Variants in VSNL1 observed in about 807,000 individuals in gnomAD.
VSNL1 encodes the protein visinin like 1.
VSNL1 carries 6 observed loss-of-function variants against 20.4 expected under a neutral mutation model. That is an observed-to-expected ratio of 0.29 (90% CI 0.16 to 0.58). The LOEUF (loss-of-function observed/expected upper bound fraction) is 0.58, where lower values mean the gene tolerates loss of function less well. VSNL1 is among the 20% of genes least tolerant of loss of function. The pLI, the probability that VSNL1 is intolerant of heterozygous loss-of-function variation, is 0.90. For synonymous variants in VSNL1, 93 were observed against 86.4 expected (o/e 1.08, Z -0.42); for missense variants, 100 against 234.5 (o/e 0.43, Z 3.75).
chr2:17,570,902 G>A (rs926679367), intron 1 of VSNL1, among the ~76,000 whole-genome samples: 3 of 152,068 alleles, frequency 2.0e-5, no homozygotes, highest in Non-Finnish European at 2.9e-5. Flanking sequence ...AGGTGCGGTG[G>A]TGGCGCCTGT....
chr2:17,648,182 T>C (rs76301243), intron 2 of VSNL1, among the ~76,000 whole-genome samples: 519 of 152,330 alleles, frequency 3.4e-3, no homozygotes, highest in African/African-American at 0.011. Context: ...CCTGGAATGC[T>C]TGGCTGTTCC....
At chr2:17,604,085 T>C (rs1664891463) in intron 2 of VSNL1, among the ~76,000 whole-genome samples, 1 of 152,032 alleles carries the variant, frequency 6.6e-6, no homozygotes, top group African/African-American at 2.4e-5. Context: ...GAGCTAAGTG[T>C]GGGTGTAGGT....
chr2:17,577,880 C>T (rs1664254979), intron 1 of VSNL1, among the ~76,000 whole-genome samples: 2 of 152,046 alleles, frequency 1.3e-5, no homozygotes, highest in Non-Finnish European at 2.9e-5. Context: ...TTTACAATGG[C>T]TAAGGGTCTG....
At chr2:17,607,224 C>T (rs543712657) in intron 2 of VSNL1, among the ~76,000 whole-genome samples, 2 of 152,114 alleles carry the variant, frequency 1.3e-5, no homozygotes, top group African/African-American at 4.8e-5. Flanking sequence ...CTGTTGCTAG[C>T]GAGTTGATCT....
intron 1 of VSNL1, among the ~76,000 whole-genome samples, chr2:17,573,847 C>G (rs1311015295): frequency 1.3e-5 from 2 of 152,208 alleles, no homozygotes. Context: ...TTAGAGAAAG[C>G]TTGTGTCTTC....
chr2:17,612,386 C>T (rs546265372), intron 2 of VSNL1, among the ~76,000 whole-genome samples: 1 of 152,336 alleles, frequency 6.6e-6, no homozygotes, highest in East Asian at 1.9e-4. Context: ...CATGTACATC[C>T]ATCAGTTCTC....
chr2:17,633,294 G>A (rs1176348109), intron 2 of VSNL1, among the ~76,000 whole-genome samples: 1 of 138,940 alleles, frequency 7.2e-6, no homozygotes, highest in Non-Finnish European at 1.5e-5. Flanking sequence ...AATTCAAGAT[G>A]AGATCTGGGT....
At chr2:17,554,345 A>G (rs1310578969) in intron 1 of VSNL1, among the ~76,000 whole-genome samples, 1 of 152,166 alleles carries the variant, frequency 6.6e-6, no homozygotes, top group African/African-American at 2.4e-5. Context: ...ATTGGTTCCT[A>G]TGGTAGATAA....
At chr2:17,565,253 T>C (rs1426396886) in intron 1 of VSNL1, among the ~76,000 whole-genome samples, 2 of 152,128 alleles carry the variant, frequency 1.3e-5, no homozygotes, top group Non-Finnish European at 2.9e-5. Flanking sequence ...ACTTTTTTAT[T>C]GGGAGAAATT....
intron 2 of VSNL1, among the ~76,000 whole-genome samples, chr2:17,622,609 G>A (rs959079831): frequency 7.2e-6 from 1 of 138,484 alleles, no homozygotes; most frequent in Non-Finnish European, 1.7e-5. Flanking sequence ...AGAAAAGAAA[G>A]AAAGATCTTC....
chr2:17,602,025 A>G (rs902926349), intron 2 of VSNL1, among the ~76,000 whole-genome samples: 1 of 152,244 alleles, frequency 6.6e-6, no homozygotes, highest in Non-Finnish European at 1.5e-5. Context: ...TGGATTTCTC[A>G]GTGAAAAGCT....
At chr2:17,576,694 G>T (rs1297515311) in intron 1 of VSNL1, among the ~76,000 whole-genome samples, 1 of 151,918 alleles carries the variant, frequency 6.6e-6, no homozygotes, top group Non-Finnish European at 1.5e-5. Context: ...TGTTTTTTTA[G>T]ATTCCCTAAA....
intron 1 of VSNL1, among the ~76,000 whole-genome samples, chr2:17,548,391 T>C (rs528390026): frequency 2.3e-4 from 35 of 152,278 alleles, no homozygotes; most frequent in South Asian, 8.3e-4. Flanking sequence ...CTTTTTGAAG[T>C]CTACAAAACT....
intron 2 of VSNL1, among the ~76,000 whole-genome samples, chr2:17,630,153 C>T (rs1039910608): frequency 1.3e-5 from 2 of 152,192 alleles, no homozygotes; most frequent in African/African-American, 2.4e-5. Context: ...GCTTGGATTT[C>T]GGGCTTTCAA....
Position 17,555,224 on chromosome 2 carries a change from T to G in VSNL1, c.-6+14306T>G, listed in dbSNP as rs1332277082. Reference sequence around the variant, plus strand: ...CTTAGAAGATTGAGGAAAATTCACCTAAACTAGTTACTAATTCTCAGGGCC... The same window carrying G: ...CTTAGAAGATTGAGGAAAATTCACCGAAACTAGTTACTAATTCTCAGGGCC... On this transcript the variant is annotated intron_variant, in intron 1 of 3. Coordinates refer to ENST00000295156, the MANE Select transcript of VSNL1 (RefSeq NM_003385.5). 2.6e-5 allele frequency among the ~76,000 whole-genome samples: 4 copies of G among 152,172 alleles called. 1 individual carries two copies. Among genetic ancestry groups the G allele is most frequent in the Non-Finnish European group, 4.4e-5 (3 of 68,008 alleles).
At chr2:17,549,387 G>C (rs994155179) in intron 1 of VSNL1, among the ~76,000 whole-genome samples, 8 of 152,158 alleles carry the variant, frequency 5.3e-5, no homozygotes, top group Non-Finnish European at 1.0e-4. Context: ...CAGATAGATA[G>C]ATACATACAT....
chr2:17,646,350 A>T (rs762893796), intron 2 of VSNL1, among the ~76,000 whole-genome samples: 7 of 152,240 alleles, frequency 4.6e-5, no homozygotes, highest in Non-Finnish European at 8.8e-5. Flanking sequence ...GCTTCATCAA[A>T]TGTGGAGTTA....
At chr2:17,622,532 AAAAGAAAGAAAGAAAGAAAGAAAG>A (rs201871488) in intron 2 of VSNL1, among the ~76,000 whole-genome samples, 3,195 of 98,620 alleles carry the variant, frequency 0.032, 79 homozygotes, top group African/African-American at 0.044. Flanking sequence ...AGAAAGAAAG[AAAAGAAAGAAAGAAAGAAAGAAAG>A]AAAGAAAGAA....
At chr2:17,626,681 C>T (rs1188958910) in intron 2 of VSNL1, among the ~76,000 whole-genome samples, 1 of 151,666 alleles carries the variant, frequency 6.6e-6, no homozygotes, top group African/African-American at 2.4e-5. Context: ...TAGACCCTAT[C>T]AACTTATGGC....
Sources: gnomAD v4.1 joint callset for allele counts (sites outside exome capture counted in the v4.1 genomes callset) on GRCh38, gnomAD v4.1.1 for gene constraint, MANE v1.5 for transcripts, NCBI Gene and HGNC (gene_info 2026-07-23, HGNC 2026-07-21) for gene names.